FAF1: variants seen among roughly 807,000 people sequenced by gnomAD.
The protein encoded by FAF1 is FAS-associated factor 1.
In FAF1, 25 loss-of-function variants were observed where a neutral mutation model predicts 92.5. The observed-to-expected ratio is 0.27, with a 90% confidence interval of 0.20 to 0.38. The LOEUF is 0.38. Among genes scored for constraint, FAF1 ranks in the 10% least tolerant of loss-of-function variants. The pLI, the probability that FAF1 is intolerant of heterozygous loss-of-function variation, is 1.00. For synonymous variants in FAF1, 234 were observed against 273.2 expected, an observed-to-expected ratio of 0.86 and a Z score of 1.42; for missense variants, 636 against 793.3, an observed-to-expected ratio of 0.80 and a Z score of 2.38.
At chr1:50,486,214 T>C (rs1459626501) in intron 17 of FAF1, among the ~76,000 whole-genome samples, 1 of 152,200 alleles carries the variant, frequency 6.6e-6, no homozygotes, top group East Asian at 1.9e-4. Flanking sequence ...ACAGTTTGGG[T>C]AGACAGGCAA....
intron 17 of FAF1, among the ~76,000 whole-genome samples, chr1:50,476,193 GTGGT>G (rs1280831612): frequency 6.6e-6 from 1 of 152,204 alleles, no homozygotes; most frequent in Non-Finnish European, 1.5e-5. Context: ...AATAGTGGTG[GTGGT>G]TGGACAATAC....
chr1:50,745,984 A>G (rs1172277158), intron 4 of FAF1, among the ~76,000 whole-genome samples: 1 of 151,986 alleles, frequency 6.6e-6, no homozygotes, highest in Non-Finnish European at 1.5e-5. Context: ...GATATGGACA[A>G]TGAAGTCCAG....
At chr1:50,735,395 C>G (rs981253921) in intron 6 of FAF1, among the ~76,000 whole-genome samples, 3 of 152,116 alleles carry the variant, frequency 2.0e-5, no homozygotes, top group Admixed American at 1.3e-4. Context: ...GTTTGCTCTT[C>G]GATTCTCAGA....
chr1:50,932,486 A>ATC (rs1365536879), intron 1 of FAF1, among the ~76,000 whole-genome samples: 1 of 152,258 alleles, frequency 6.6e-6, no homozygotes, highest in East Asian at 1.9e-4. Context: ...CTTTGACTCC[A>ATC]GGTCTCACAT....
intron 8 of FAF1, among the ~76,000 whole-genome samples, chr1:50,604,538 T>A (rs1167062791): frequency 6.6e-6 from 1 of 152,180 alleles, no homozygotes; most frequent in Non-Finnish European, 1.5e-5. Flanking sequence ...GAGACAGTCT[T>A]GCTTTGTTAC....
intron 18 of FAF1, among the ~76,000 whole-genome samples, chr1:50,445,326 A>G (rs1157110505): frequency 2.6e-5 from 4 of 152,158 alleles, no homozygotes; most frequent in Non-Finnish European, 4.4e-5. Context: ...TTAAGCCAAA[A>G]AGCCAATGGA....
At chr1:50,458,399 T>G (rs1235153355) in intron 18 of FAF1, among the ~76,000 whole-genome samples, 1 of 152,194 alleles carries the variant, frequency 6.6e-6, no homozygotes, top group East Asian at 1.9e-4. Context: ...TGTTCTTATT[T>G]GTAAAATGGA....
intron 2 of FAF1, among the ~76,000 whole-genome samples, chr1:50,820,684 C>T (rs1004266036): frequency 6.6e-6 from 1 of 152,196 alleles, no homozygotes; most frequent in African/African-American, 2.4e-5. Context: ...ACCATTCTAA[C>T]CTCTCTGTTG....
chr1:50,802,494 G>C (rs968966211), intron 2 of FAF1, among the ~76,000 whole-genome samples: 8 of 152,212 alleles, frequency 5.3e-5, no homozygotes, highest in Non-Finnish European at 1.0e-4. Context: ...AAAGGAGGTA[G>C]CATTAGAGGA....
chr1:50,844,854 C>T (rs1463038351), intron 2 of FAF1, among the ~76,000 whole-genome samples: 1 of 151,472 alleles, frequency 6.6e-6, no homozygotes, highest in Non-Finnish European at 1.5e-5. Flanking sequence ...CAGAGGGTGC[C>T]CTGAGCAAGA....
intron 1 of FAF1, among the ~76,000 whole-genome samples, chr1:50,930,004 C>CT (rs1645036143): frequency 6.6e-6 from 1 of 152,152 alleles, no homozygotes; most frequent in Non-Finnish European, 1.5e-5. Context: ...CAAATACCTT[C>CT]TTTTTTCCAA....
intron 2 of FAF1, among the ~76,000 whole-genome samples, chr1:50,830,376 C>T (rs1213342545): frequency 2.6e-5 from 4 of 152,220 alleles, no homozygotes; most frequent in African/African-American, 9.6e-5. Context: ...TCCCAAAGTG[C>T]TGGGATTACA....
chr1:50,900,220 G>T (rs559747993), intron 1 of FAF1, among the ~76,000 whole-genome samples: 86 of 152,226 alleles, frequency 5.6e-4, no homozygotes, highest in African/African-American at 1.8e-3. Flanking sequence ...CTTCATAAAA[G>T]AAATTCTTAC....
intron 4 of FAF1, among the ~76,000 whole-genome samples, chr1:50,769,262 T>C (rs1660690908): frequency 6.6e-6 from 1 of 152,178 alleles, no homozygotes; most frequent in Non-Finnish European, 1.5e-5. Context: ...ATTTAATCCC[T>C]GAACAGACCA....
chr1:50,955,056 A>G (rs1208919842), intron 1 of FAF1, among the ~76,000 whole-genome samples: 2 of 152,206 alleles, frequency 1.3e-5, no homozygotes, highest in East Asian at 3.8e-4. Flanking sequence ...GAAGTAACTG[A>G]TATTATTGAA....
At chr1:50,611,558 T>G (rs903706359) in intron 8 of FAF1, among the ~76,000 whole-genome samples, 3 of 152,180 alleles carry the variant, frequency 2.0e-5, no homozygotes, top group Non-Finnish European at 4.4e-5. Flanking sequence ...TAAGATGGTC[T>G]TTTACTCCAT....
intron 7 of FAF1, among the ~76,000 whole-genome samples, chr1:50,697,400 G>C (rs1301786858): frequency 6.6e-6 from 1 of 152,106 alleles, no homozygotes; most frequent in Non-Finnish European, 1.5e-5. Context: ...AGTTATTCAT[G>C]ATAAATAATA....
intron 1 of FAF1, among the ~76,000 whole-genome samples, chr1:50,908,217 T>C (rs1644855624): frequency 6.6e-6 from 1 of 152,244 alleles, no homozygotes; most frequent in Non-Finnish European, 1.5e-5. Flanking sequence ...TCTAGTTTGA[T>C]TGCACTGTGG....
intron 5 of FAF1, among the ~76,000 whole-genome samples, chr1:50,742,802 A>G (rs555420119): frequency 1.3e-5 from 2 of 152,324 alleles, no homozygotes; most frequent in East Asian, 3.9e-4. Context: ...GCACTTTTAA[A>G]AAGTTTTAAT....
Sources: allele counts gnomAD v4.1 joint callset (sites outside exome capture counted in the v4.1 genomes callset), GRCh38; gene constraint gnomAD v4.1.1; transcripts MANE v1.5; gene names NCBI Gene and HGNC (gene_info 2026-07-23, HGNC 2026-07-21).